The following ZBTB20 variants were observed in gnomAD, a reference collection of about 807,000 sequenced individuals.
ZBTB20 encodes zinc finger and BTB domain containing 20, also known as zinc finger and BTB domain-containing protein 20.
ZBTB20 carries 9 observed loss-of-function variants against 56.9 expected under a neutral mutation model. The ratio of observed to expected loss-of-function variants is 0.16; its 90% CI spans 0.10 to 0.28. The LOEUF is 0.28. ZBTB20 is among the 10% of genes least tolerant of loss of function. ZBTB20 has a pLI of 1.00. For missense variants in ZBTB20, 655 were observed against 1,003.0 expected (o/e 0.65, Z 4.69); for synonymous variants, 417 against 420.7 (o/e 0.99, Z 0.11).
At position 114,794,487 on chromosome 3, in the gene ZBTB20, TA is replaced by T. The variant is rs145976728; in HGVS notation, c.-343+6613del. 3.6e-3 allele frequency among the ~76,000 whole-genome samples: 551 copies of T among 152,210 alleles called. 6 individuals carry two copies. The highest frequency in any genetic ancestry group is 0.013 in the African/African-American group (538 of 41,552). ...TTAACTATGACTTGGATAGGAATTC[TA>T]GGCCTGAATTTTGTTCGTCTCCAAA... On this transcript the variant is annotated intron_variant, in intron 5 of 11. Transcript: ENST00000675478.
At chr3:114,571,570 A>G (rs1489889800) in intron 6 of ZBTB20, among the ~76,000 whole-genome samples, 3 of 152,150 alleles carry the variant, frequency 2.0e-5, no homozygotes, top group Admixed American at 2.0e-4. Context: ...TGGAAGCAGC[A>G]AGGCTTTTGG....
chr3:114,979,030 T>C (rs1206934012), intron 2 of ZBTB20, among the ~76,000 whole-genome samples: 6 of 151,726 alleles, frequency 4.0e-5, no homozygotes, highest in Non-Finnish European at 8.8e-5. Context: ...AGGGCAGGTA[T>C]CGTGAGGAAG....
At chr3:114,571,831 C>G (rs1453040143) in intron 6 of ZBTB20, among the ~76,000 whole-genome samples, 3 of 152,074 alleles carry the variant, frequency 2.0e-5, no homozygotes, top group African/African-American at 7.2e-5. Flanking sequence ...AACAGGCTCC[C>G]CAAGTAATTC....
chr3:114,670,083 C>G (rs1406449828), intron 6 of ZBTB20, among the ~76,000 whole-genome samples: 1 of 151,884 alleles, frequency 6.6e-6, no homozygotes, highest in Non-Finnish European at 1.5e-5. Context: ...CTGTCAAAGA[C>G]AACACATATT....
chr3:114,427,028 T>C (rs1259088794), intron 7 of ZBTB20, among the ~76,000 whole-genome samples: 1 of 152,206 alleles, frequency 6.6e-6, no homozygotes, highest in African/African-American at 2.4e-5. Context: ...TCAACCGCTA[T>C]GCACATGATA....
At chr3:114,733,288 T>C (rs2065891841) in intron 5 of ZBTB20, among the ~76,000 whole-genome samples, 1 of 152,164 alleles carries the variant, frequency 6.6e-6, no homozygotes, top group African/African-American at 2.4e-5. Flanking sequence ...TCATAACAGG[T>C]AGTTCTCCAA....
chr3:114,872,431 C>T (rs1576182171), intron 4 of ZBTB20, among the ~76,000 whole-genome samples: 1 of 151,956 alleles, frequency 6.6e-6, no homozygotes, highest in South Asian at 2.1e-4. Flanking sequence ...TTTAAGTAGC[C>T]AAAAGTTGAC....
chr3:114,762,587 G>T (rs1438629787), intron 5 of ZBTB20, among the ~76,000 whole-genome samples: 1 of 152,150 alleles, frequency 6.6e-6, no homozygotes, highest in Non-Finnish European at 1.5e-5. Context: ...TGGGATAAAG[G>T]ACTGCCTGGA....
At chr3:114,582,569 AG>A (rs1380750635) in intron 6 of ZBTB20, among the ~76,000 whole-genome samples, 1 of 152,028 alleles carries the variant, frequency 6.6e-6, no homozygotes, top group Non-Finnish European at 1.5e-5. Flanking sequence ...TAGTAGAGAC[AG>A]GGTTCTGCCA....
At position 114,704,393 on chromosome 3, in the gene ZBTB20, G is replaced by GTA. The variant is rs34993041; in HGVS notation, c.-342-10820_-342-10819dup. ...ATATTTATATATATACACACATACT[G>GTA]TATATATATATATAGGTTATATATA... On this transcript the variant is annotated intron_variant, in intron 5 of 11. Coordinates refer to ENST00000675478, the MANE Select transcript of ZBTB20 (RefSeq NM_001348800.3). 6.2e-4 allele frequency among the ~76,000 whole-genome samples: 93 copies of GTA among 150,030 alleles called. 1 individual carries two copies. Among genetic ancestry groups the GTA allele is most frequent in the South Asian group, 1.7e-3 (8 of 4,744 alleles).
At position 114,989,146 on chromosome 3, in the gene ZBTB20, T is replaced by A. The variant is rs548179180; in HGVS notation, c.-506-14730A>T. 1.8e-4 allele frequency among the ~76,000 whole-genome samples: 28 copies of A among 152,306 alleles called. No homozygotes were observed. In the South Asian group the frequency reaches 2.1e-3, roughly 11 times the overall value. Reference sequence around the variant, plus strand: ...TAATTTTGGCTTTTGTTGCCATTGCTTTTGGTGTTTTAGACATGAAGTCCT... The same window carrying A: ...TAATTTTGGCTTTTGTTGCCATTGCATTTGGTGTTTTAGACATGAAGTCCT... On this transcript the variant is annotated intron_variant, in intron 2 of 11. Transcript: ENST00000675478.
chr3:114,987,661 G>A (rs1382450540), intron 2 of ZBTB20, among the ~76,000 whole-genome samples: 1 of 152,096 alleles, frequency 6.6e-6, no homozygotes, highest in East Asian at 1.9e-4. Context: ...AATATCACAT[G>A]ATAGGATAGG....
chr3:114,317,811 G>A lies in ZBTB20; in HGVS notation c.*21194C>T, dbSNP rs937278046. On this transcript the variant is annotated 3_prime_UTR_variant, in exon 12 of 12. Transcript: ENST00000675478. The stretch of plus-strand genomic sequence containing the variant: ...GTATTTTGCAAGTTTGTGTGTGTGT[G>A]TGCTCGCATACATGAAACGCGAGTC... The A allele has an allele frequency of 6.6e-6, 1 of 152,192 alleles. No individual in the cohort carries two copies. The highest frequency in any genetic ancestry group is 2.4e-5 in the African/African-American group (1 of 41,430). The allele number at this position is 152,192 out of a possible 1,614,324, so 9.4% of individuals were successfully genotyped here. A position where few individuals can be genotyped will look rare whatever the true frequency, so the allele number is the denominator to read the frequency against.
chr3:114,445,567 C>T (rs778712236), intron 7 of ZBTB20: 1 of 152,136 alleles, frequency 6.6e-6, no homozygotes, highest in Non-Finnish European at 1.5e-5. Flanking sequence ...AGTTCTTCAG[C>T]TGGAATTTTA....
intron 2 of ZBTB20, among the ~76,000 whole-genome samples, chr3:115,065,334 G>A (rs1030689829): frequency 6.6e-6 from 1 of 151,984 alleles, no homozygotes; most frequent in Non-Finnish European, 1.5e-5. Context: ...TTTTCTACAG[G>A]ACATACTGCC....
intron 2 of ZBTB20, among the ~76,000 whole-genome samples, chr3:115,050,477 A>G (rs2081504094): frequency 6.6e-6 from 1 of 151,964 alleles, no homozygotes; most frequent in African/African-American, 2.4e-5. Flanking sequence ...AGCTCTCTTC[A>G]TCTTAGAAAT....
Position 114,492,090 on chromosome 3 carries a change from G to A in ZBTB20, c.-255+8262C>T, listed in dbSNP as rs374795901. On this transcript the variant is annotated intron_variant, in intron 7 of 11. Coordinates refer to ENST00000675478, the MANE Select transcript of ZBTB20 (RefSeq NM_001348800.3). Reference sequence around the variant, plus strand: ...CACCTTCTTGGTGGCTCCTTCTGAGGGTATTTTATGGCCTCATTTTTTTCT... The same window carrying A: ...CACCTTCTTGGTGGCTCCTTCTGAGAGTATTTTATGGCCTCATTTTTTTCT... 1.3e-3 allele frequency among the ~76,000 whole-genome samples: 196 copies of A among 151,954 alleles called. 1 individual carries two copies. The highest frequency in any genetic ancestry group is 2.3e-3 in the Non-Finnish European group (157 of 67,958).
At chr3:114,408,083 G>A (rs2693055) in intron 7 of ZBTB20, among the ~76,000 whole-genome samples, 6,035 of 152,132 alleles carry the variant, frequency 0.04, 396 homozygotes, top group African/African-American at 0.13. Flanking sequence ...CATTCTAGTC[G>A]TCTGTCTCCC....
intron 6 of ZBTB20, among the ~76,000 whole-genome samples, chr3:114,544,510 C>CTT (rs1217465262): frequency 4.7e-5 from 5 of 107,296 alleles, no homozygotes; most frequent in African/African-American, 1.3e-4. Flanking sequence ...TTCTTTCTTT[C>CTT]TTTTTTTTTT....
Sources: allele counts gnomAD v4.1 joint callset (sites outside exome capture counted in the v4.1 genomes callset), GRCh38; gene constraint gnomAD v4.1.1; transcripts MANE v1.5; gene names NCBI Gene and HGNC (gene_info 2026-07-23, HGNC 2026-07-21).